The following NAV2 variants were observed in gnomAD, a reference collection of about 807,000 sequenced individuals.
The protein encoded by NAV2 is helicase, APC down-regulated 1.
A neutral mutation model predicts 223.2 loss-of-function variants in NAV2; 54 were observed. That is an observed-to-expected ratio of 0.24 (90% CI 0.19 to 0.30). NAV2 has a LOEUF of 0.30. NAV2 is among the 10% of genes least tolerant of loss of function. The pLI, the probability that NAV2 is intolerant of heterozygous loss-of-function variation, is 1.00. For synonymous variants in NAV2, 1,279 were observed against 1,239.3 expected, an observed-to-expected ratio of 1.03 and a Z score of -0.67; for missense variants, 2,806 against 3,147.5, an observed-to-expected ratio of 0.89 and a Z score of 2.60.
intron 1 of NAV2, among the ~76,000 whole-genome samples, chr11:19,670,483 G>A (rs1251197781): frequency 6.6e-6 from 1 of 152,226 alleles, no homozygotes; most frequent in Admixed American, 6.5e-5. Context: ...GAACCCCGCG[G>A]AGAGGGGACA....
At chr11:19,356,821 TA>T (rs1186111730) in intron 1 of NAV2, among the ~76,000 whole-genome samples, 2 of 152,228 alleles carry the variant, frequency 1.3e-5, no homozygotes, top group Non-Finnish European at 2.9e-5. Flanking sequence ...TGAATGCTGA[TA>T]TTTTTTATTT....
At chr11:19,348,907 T>A (rs1853140413), upstream of NAV2, among the ~76,000 whole-genome samples, 2 of 152,198 alleles carry the variant, frequency 1.3e-5, no homozygotes, top group South Asian at 4.1e-4. Flanking sequence ...AAAAGGGTAA[T>A]ACGTATAGCC....
chr11:19,991,984 C>G (rs2051381739), intron 11 of NAV2, among the ~76,000 whole-genome samples: 1 of 152,176 alleles, frequency 6.6e-6, no homozygotes, highest in African/African-American at 2.4e-5. Context: ...TGCCCCTGAG[C>G]ATTTTTCAGT....
chr11:19,387,881 T>C (rs921247537), intron 1 of NAV2, among the ~76,000 whole-genome samples: 1 of 152,218 alleles, frequency 6.6e-6, no homozygotes, highest in Non-Finnish European at 1.5e-5. Context: ...TTCCCTTCTA[T>C]GAATCTTTGA....
chr11:20,081,908 C>T (rs1202508022), intron 25 of NAV2, among the ~76,000 whole-genome samples: 1 of 152,148 alleles, frequency 6.6e-6, no homozygotes, highest in Non-Finnish European at 1.5e-5. Context: ...TCAGAGAAGA[C>T]ATTGCATTTT....
In NAV2 at chr11:20,011,718, T is replaced by C. The variant is rs2053574745; in HGVS notation, c.2769-24241T>C. 2.6e-5 allele frequency among the ~76,000 whole-genome samples: 4 copies of C among 152,268 alleles called. No individual in the cohort carries two copies. In the South Asian group the frequency reaches 8.3e-4, roughly 31 times the overall value. ...TGAGAGATGTTTTATAATCTAATTT[T>C]GTAATTGTGTAGTACAGCATGAGCA... is the stretch of plus-strand genomic sequence containing the variant. On this transcript the variant is annotated intron_variant, in intron 11 of 37. Transcript: ENST00000349880.
chr11:19,380,260 T>A (rs1848792294), intron 1 of NAV2, among the ~76,000 whole-genome samples: 1 of 152,222 alleles, frequency 6.6e-6, no homozygotes, highest in Non-Finnish European at 1.5e-5. Context: ...CCATCAAGCT[T>A]GTTACAGTGG....
chr11:20,115,501 AG>A (rs1462653026), intron 37 of NAV2, among the ~76,000 whole-genome samples: 1 of 151,600 alleles, frequency 6.6e-6, no homozygotes, highest in Non-Finnish European at 1.5e-5. Context: ...GCGTGGTGGC[AG>A]GCACCTGTAG....
At chr11:20,101,215 C>G in intron 32 of NAV2, 43 bp downstream of exon 32, 1 of 1,450,122 alleles carries the variant, frequency 6.9e-7, no homozygotes, top group Admixed American at 1.7e-5. Context: ...TTGGCCCTTT[C>G]AAAACTGATG....
chr11:19,394,943 C>T (rs980524363), intron 1 of NAV2, among the ~76,000 whole-genome samples: 17 of 152,298 alleles, frequency 1.1e-4, no homozygotes, highest in African/African-American at 2.9e-4. Context: ...TACATAATCC[C>T]GTAAAGCCCA....
Position 19,880,034 on chromosome 11 carries a change from A to G in NAV2, c.677A>G (p.Gln226Arg). ...APSQCQAGTP[Q>R]QQVPVTPQAP... ...TCCCAGTGCCAGGCTGGCACCCCTCAGCAGCAGGTGCCAGTCACTCCCCAA... is the reference window on the plus strand; with the variant it reads ...TCCCAGTGCCAGGCTGGCACCCCTCGGCAGCAGGTGCCAGTCACTCCCCAA... Residue 226 changes from glutamine to arginine, a missense_variant, in exon 5 of 38, where the codon CAG (glutamine) becomes CGG (arginine). Coordinates refer to ENST00000349880, the MANE Select transcript of NAV2 (RefSeq NM_145117.5). The G allele has an allele frequency of 1.2e-6, 2 of 1,613,648 alleles. No homozygotes were observed. Among genetic ancestry groups the G allele is most frequent in the Non-Finnish European group, 8.5e-7 (1 of 1,179,766 alleles).
At chr11:19,587,273 T>C (rs1383617770) in intron 1 of NAV2, among the ~76,000 whole-genome samples, 2 of 152,208 alleles carry the variant, frequency 1.3e-5, no homozygotes, top group Non-Finnish European at 2.9e-5. Context: ...AGGTGCTGCC[T>C]GTCACCCCTT....
intron 1 of NAV2, among the ~76,000 whole-genome samples, chr11:19,831,549 A>G (rs2059943708): frequency 1.3e-5 from 2 of 151,894 alleles, no homozygotes; most frequent in South Asian, 4.2e-4. Context: ...TCACATATAC[A>G]CTCTTCTGCA....
chr11:20,037,531 A>G (rs1278692936), intron 12 of NAV2, among the ~76,000 whole-genome samples: 4 of 152,120 alleles, frequency 2.6e-5, no homozygotes, highest in Admixed American at 6.5e-5. Context: ...TTGTTCAGAA[A>G]CCCAACCTAG....
intron 1 of NAV2, among the ~76,000 whole-genome samples, chr11:19,627,157 G>T (rs1272412897): frequency 6.6e-6 from 1 of 152,224 alleles, no homozygotes; most frequent in African/African-American, 2.4e-5. Context: ...GGAGGCTGAG[G>T]TGGGTGGATC....
chr11:19,437,725 C>A (rs1851263256), intron 1 of NAV2, among the ~76,000 whole-genome samples: 1 of 152,124 alleles, frequency 6.6e-6, no homozygotes, highest in Non-Finnish European at 1.5e-5. Flanking sequence ...AAGTTACTGC[C>A]AATTAAACTA....
intron 1 of NAV2, among the ~76,000 whole-genome samples, chr11:19,467,050 TAGAG>T (rs1196393422): frequency 3.0e-5 from 4 of 131,584 alleles, no homozygotes; most frequent in Non-Finnish European, 5.0e-5. Context: ...GAGAGATAGA[TAGAG>T]AGAGAGAGAT....
intron 10 of NAV2, among the ~76,000 whole-genome samples, chr11:19,983,905 C>T (rs1278324213): frequency 6.6e-6 from 1 of 151,230 alleles, no homozygotes; most frequent in South Asian, 2.1e-4. Flanking sequence ...GCTGAGTTCG[C>T]TCTCTTTTTT....
chr11:19,669,484 TG>T (rs376034089), intron 1 of NAV2, among the ~76,000 whole-genome samples: 42 of 152,372 alleles, frequency 2.8e-4, no homozygotes, highest in African/African-American at 1.0e-3. Context: ...TCTCATGGTC[TG>T]GGGATGATTA....
Sources: gnomAD v4.1 joint callset for allele counts (sites outside exome capture counted in the v4.1 genomes callset) on GRCh38, gnomAD v4.1.1 for gene constraint, MANE v1.5 for transcripts, NCBI Gene and HGNC (gene_info 2026-07-23, HGNC 2026-07-21) for gene names.